SEMA3E: variants seen among roughly 807,000 people sequenced by gnomAD.
SEMA3E encodes semaphorin 3E, also known as semaphorin-3E.
In SEMA3E, 49 loss-of-function variants were observed where a neutral mutation model predicts 93.6. The observed-to-expected ratio is 0.52, with a 90% CI of 0.42 to 0.66. The LOEUF (loss-of-function observed/expected upper bound fraction) is 0.66. Among genes scored for constraint, SEMA3E ranks in the 30% least tolerant of loss-of-function variants. SEMA3E has a pLI of 0.00. For synonymous variants in SEMA3E, 363 were observed against 330.7 expected (o/e 1.10, Z -1.06); for missense variants, 906 against 964.8 (o/e 0.94, Z 0.81).
chr7:83,380,881 A>T (rs1054287644), intron 16 of SEMA3E, among the ~76,000 whole-genome samples: 2 of 152,018 alleles, frequency 1.3e-5, no homozygotes, highest in Non-Finnish European at 2.9e-5. Flanking sequence ...TCCATCTGAG[A>T]TGCTAAACAG....
At chr7:83,621,116 T>G (rs1793548453) in intron 1 of SEMA3E, among the ~76,000 whole-genome samples, 1 of 152,088 alleles carries the variant, frequency 6.6e-6, no homozygotes, top group Non-Finnish European at 1.5e-5. Flanking sequence ...AGCTGTAAAG[T>G]TTCTTAAGCT....
At chr7:83,510,716 T>A (rs541435435) in intron 1 of SEMA3E, among the ~76,000 whole-genome samples, 2 of 152,308 alleles carry the variant, frequency 1.3e-5, no homozygotes, top group South Asian at 4.1e-4. Context: ...CTCACTCTAT[T>A]TATTAAAACC....
intron 5 of SEMA3E, among the ~76,000 whole-genome samples, chr7:83,411,823 A>G (rs2723044): frequency 0.51 from 77,046 of 152,040 alleles, 22,396 homozygotes; most frequent in East Asian, 0.85. Context: ...AAAGATTAAA[A>G]TACCTTTTAG....
At chr7:83,568,368 CA>C (rs1792207255) in intron 1 of SEMA3E, among the ~76,000 whole-genome samples, 1 of 152,096 alleles carries the variant, frequency 6.6e-6, no homozygotes, top group Admixed American at 6.5e-5. Flanking sequence ...CTCCCTAACT[CA>C]TTCTAAGAGG....
At chr7:83,370,086 C>T (rs923659865) in intron 16 of SEMA3E, among the ~76,000 whole-genome samples, 1 of 152,124 alleles carries the variant, frequency 6.6e-6, no homozygotes, top group Non-Finnish European at 1.5e-5. Flanking sequence ...AATCCTCCAT[C>T]CTTCACTGAT....
chr7:83,432,245 A>C (rs1788898854), intron 4 of SEMA3E, among the ~76,000 whole-genome samples: 1 of 150,864 alleles, frequency 6.6e-6, no homozygotes, highest in Non-Finnish European at 1.5e-5. Flanking sequence ...ACTATTAAAA[A>C]ATAGTTTTAC....
chr7:83,601,816 G>A (rs373018873), intron 1 of SEMA3E, among the ~76,000 whole-genome samples: 5 of 152,250 alleles, frequency 3.3e-5, no homozygotes, highest in African/African-American at 9.6e-5. Flanking sequence ...GCCCAGTTAC[G>A]TTGAATATCT....
At chr7:83,470,826 G>A (rs557059480) in intron 2 of SEMA3E, among the ~76,000 whole-genome samples, 110 of 139,224 alleles carry the variant, frequency 7.9e-4, no homozygotes, top group African/African-American at 2.8e-3. Context: ...GTTTCTGAGT[G>A]TTTTGTAATG....
At chr7:83,613,044 G>T (rs1793297500) in intron 1 of SEMA3E, among the ~76,000 whole-genome samples, 1 of 151,970 alleles carries the variant, frequency 6.6e-6, no homozygotes, top group African/African-American at 2.4e-5. Context: ...TTTTTAGCTT[G>T]TATGTGATAT....
At chr7:83,467,001 A>C (rs185772972) in intron 3 of SEMA3E, among the ~76,000 whole-genome samples, 1 of 152,120 alleles carries the variant, frequency 6.6e-6, no homozygotes, top group Admixed American at 6.5e-5. Context: ...ATCAGCATAA[A>C]GTCATTAAAA....
chr7:83,456,479 G>A (rs1013245820), intron 4 of SEMA3E, among the ~76,000 whole-genome samples: 5 of 151,934 alleles, frequency 3.3e-5, no homozygotes, highest in East Asian at 1.9e-4. Context: ...CATCAACAAC[G>A]CCTGTAGCAA....
intron 1 of SEMA3E, among the ~76,000 whole-genome samples, chr7:83,584,043 A>G (rs2115920497): frequency 6.6e-6 from 1 of 152,212 alleles, no homozygotes; most frequent in South Asian, 2.1e-4. Context: ...TAGGTAATAA[A>G]TGTTCTTGTT....
chr7:83,625,000 G>A (rs879748283), intron 1 of SEMA3E, among the ~76,000 whole-genome samples: 4 of 152,096 alleles, frequency 2.6e-5, no homozygotes, highest in Non-Finnish European at 5.9e-5. Context: ...CCCATTGCTT[G>A]TTTTTGTCAG....
rs56254736 is a variant in SEMA3E, at chr7:83,449,088, TTTTA to T, written c.456+17390_456+17393del. On this transcript the variant is annotated intron_variant, in intron 4 of 16. Transcript: ENST00000643230. ...TAAATTTTAAGTTTTATTTTTTAAA[TTTTA>T]TTTATTTATTTATTTATTTATTTAT... Among the ~76,000 whole-genome samples, 374 of 147,760 alleles carry T rather than the reference TTTTA, an allele frequency of 2.5e-3. 7 individuals carry two copies. The East Asian group carries it at 0.049, about 19-fold the overall frequency.
intron 1 of SEMA3E, among the ~76,000 whole-genome samples, chr7:83,490,547 G>GTGCTAGGT (rs1373796479): frequency 1.3e-4 from 20 of 152,068 alleles, no homozygotes; most frequent in Admixed American, 1.2e-3. Context: ...TTAACATAAA[G>GTGCTAGGT]TGCTAGGTGA....
rs893147816 is a variant in SEMA3E, at chr7:83,500,695, C to T, written c.116-10421G>A. 1.3e-4 allele frequency among the ~76,000 whole-genome samples: 18 copies of T among 143,410 alleles called. No homozygotes were observed. The East Asian group carries it at 2.2e-3, about 18-fold the overall frequency. The allele number at this position is 143,410 out of a possible 152,430, so 94.1% of individuals were successfully genotyped here. A position where few individuals can be genotyped will look rare whatever the true frequency, so the allele number is the denominator to read the frequency against. On this transcript the variant is annotated intron_variant, in intron 1 of 16. Transcript: ENST00000643230. ...GCAACCTCCGCCTCCCAGGTTCAAG[C>T]GATTCTCCTGCCTCAGCCTCCCAAG...
intron 1 of SEMA3E, among the ~76,000 whole-genome samples, chr7:83,633,944 G>T (rs566681061): frequency 6.6e-6 from 1 of 152,214 alleles, no homozygotes; most frequent in African/African-American, 2.4e-5. Context: ...TTCCTTAACT[G>T]GCAAGAATTC....
intron 1 of SEMA3E, among the ~76,000 whole-genome samples, chr7:83,553,648 C>T (rs1321078872): frequency 1.3e-5 from 2 of 152,040 alleles, no homozygotes; most frequent in African/African-American, 4.8e-5. Context: ...CTTTTAGGGA[C>T]CTCAAAACAA....
chr7:83,374,122 C>T (rs1794786728), intron 16 of SEMA3E, among the ~76,000 whole-genome samples: 1 of 146,278 alleles, frequency 6.8e-6, no homozygotes. Flanking sequence ...AAGAGATTTG[C>T]TTGAACCCAG....
Sources: gnomAD v4.1 joint callset for allele counts (sites outside exome capture counted in the v4.1 genomes callset) on GRCh38, gnomAD v4.1.1 for gene constraint, MANE v1.5 for transcripts, NCBI Gene and HGNC (gene_info 2026-07-23, HGNC 2026-07-21) for gene names.